The following ASIC2 variants were observed in gnomAD, a reference collection of about 807,000 sequenced individuals.
ASIC2 encodes the protein acid sensing ion channel subunit 2.
Under a neutral mutation model 57.3 loss-of-function variants are expected in ASIC2, and 25 were observed. The observed-to-expected ratio is 0.44, with a 90% CI of 0.32 to 0.61. ASIC2 has a LOEUF of 0.61. Ranked by LOEUF, ASIC2 falls within the 20% of genes least tolerant of loss-of-function variation. ASIC2 has a pLI of 0.06. For missense variants in ASIC2, 641 were observed against 738.1 expected, an observed-to-expected ratio of 0.87 and a Z score of 1.52; for synonymous variants, 319 against 307.5, an observed-to-expected ratio of 1.04 and a Z score of -0.39.
At chr17:34,048,958 G>T (rs1433775288) in intron 1 of ASIC2, among the ~76,000 whole-genome samples, 1 of 152,134 alleles carries the variant, frequency 6.6e-6, no homozygotes, top group East Asian at 1.9e-4. Flanking sequence ...CTCCTGATGG[G>T]TATATCATGT....
chr17:34,077,977 G>A (rs1909734514), intron 1 of ASIC2, among the ~76,000 whole-genome samples: 1 of 152,062 alleles, frequency 6.6e-6, no homozygotes, highest in South Asian at 2.1e-4. Context: ...GTTATAGAGG[G>A]CCAGCTCTAC....
Position 34,099,209 on chromosome 17 carries a change from A to AAAG in ASIC2, c.555+56766_555+56768dup, listed in dbSNP as rs1263986039. Among the ~76,000 whole-genome samples the AAAG allele has an allele frequency of 1.2e-3, 148 of 126,720 alleles. 2 individuals are homozygous for AAAG. Among genetic ancestry groups the AAAG allele is most frequent in the African/African-American group, 1.5e-3 (39 of 26,196 alleles). 83.1% of individuals were successfully genotyped at this position (126,720 alleles called of 152,430 possible). On this transcript the variant is annotated intron_variant, in intron 1 of 9. Coordinates refer to the ASIC2 transcript ENST00000359872. ...GAAAGAAAGAAAGAAAGAAAGAAAGAAAGGAAAGAAAAGAAAGAAAAAAGA... is the reference window on the plus strand; with the variant it reads ...GAAAGAAAGAAAGAAAGAAAGAAAGAAAGAAGGAAAGAAAAGAAAGAAAAAAGA...
intron 1 of ASIC2, among the ~76,000 whole-genome samples, chr17:33,636,152 T>G (rs1906356354): frequency 1.3e-5 from 2 of 152,216 alleles, no homozygotes; most frequent in African/African-American, 4.8e-5. Context: ...TATGTGCATA[T>G]ATACATATTA....
chr17:33,638,753 T>C lies in ASIC2; in HGVS notation c.555+517225A>G, dbSNP rs1490833821. Among the ~76,000 whole-genome samples, 4 of 151,742 alleles carry C rather than the reference T, an allele frequency of 2.6e-5. No individual in the cohort carries two copies. The East Asian group carries it at 5.8e-4, about 22-fold the overall frequency. ...GAGCTGCTGTGACTCTGCCTGAGAA[T>C]TTTTTTTTCCTGGCAGCCCAAGCAC... On this transcript the variant is annotated intron_variant, in intron 1 of 9. Coordinates refer to the ASIC2 transcript ENST00000359872.
chr17:33,586,268 A>G (rs1303230530), intron 1 of ASIC2, among the ~76,000 whole-genome samples: 1 of 152,050 alleles, frequency 6.6e-6, no homozygotes, highest in Non-Finnish European at 1.5e-5. Context: ...GGGTTCTCAT[A>G]TTTTATATTC....
chr17:33,110,035 G>A (rs1405890098), intron 2 of ASIC2, among the ~76,000 whole-genome samples: 1 of 146,148 alleles, frequency 6.8e-6, no homozygotes, highest in East Asian at 1.9e-4. Flanking sequence ...GGTACTGAGA[G>A]TGCATGTGTG....
intron 1 of ASIC2, among the ~76,000 whole-genome samples, chr17:33,211,725 G>A (rs1390006478): frequency 6.6e-6 from 1 of 152,148 alleles, no homozygotes; most frequent in Non-Finnish European, 1.5e-5. Flanking sequence ...GATGGACCTG[G>A]TGCTAACTTA....
intron 1 of ASIC2, among the ~76,000 whole-genome samples, chr17:33,520,234 T>C (rs1403234620): frequency 2.6e-5 from 4 of 152,144 alleles, no homozygotes; most frequent in Admixed American, 1.3e-4. Flanking sequence ...GCTGTTCTAC[T>C]TGAAGAAACA....
At chr17:33,965,958 C>A (rs1905061114) in intron 1 of ASIC2, among the ~76,000 whole-genome samples, 1 of 152,216 alleles carries the variant, frequency 6.6e-6, no homozygotes, top group Non-Finnish European at 1.5e-5. Context: ...GACCACTTGC[C>A]TATGCTCTCC....
intron 1 of ASIC2, among the ~76,000 whole-genome samples, chr17:33,996,388 C>A (rs558219659): frequency 6.6e-6 from 1 of 152,036 alleles, no homozygotes; most frequent in African/African-American, 2.4e-5. Flanking sequence ...GCTTTTGTTA[C>A]CTTTGCTTTT....
At chr17:33,560,524 T>C (rs536751300) in intron 1 of ASIC2, among the ~76,000 whole-genome samples, 10 of 152,328 alleles carry the variant, frequency 6.6e-5, no homozygotes, top group African/African-American at 2.2e-4. Context: ...TAGGACCTTT[T>C]CGAAGGAAGA....
intron 1 of ASIC2, among the ~76,000 whole-genome samples, chr17:33,134,028 C>A (rs1407166515): frequency 6.6e-6 from 1 of 152,210 alleles, no homozygotes; most frequent in Non-Finnish European, 1.5e-5. Context: ...GGGACTCCTT[C>A]ACTCATGCAC....
At chr17:33,224,375 G>T (rs1008024935) in intron 1 of ASIC2, among the ~76,000 whole-genome samples, 5 of 152,340 alleles carry the variant, frequency 3.3e-5, no homozygotes, top group African/African-American at 1.2e-4. Context: ...GGAACTTAGT[G>T]TGCTTTGGAG....
At chr17:33,377,533 T>C (rs1251401582) in intron 1 of ASIC2, among the ~76,000 whole-genome samples, 1 of 152,246 alleles carries the variant, frequency 6.6e-6, no homozygotes, top group East Asian at 1.9e-4. Flanking sequence ...ATTCATCTTA[T>C]ACTGTCCCTT....
At chr17:33,721,055 C>G (rs1909373787) in intron 1 of ASIC2, among the ~76,000 whole-genome samples, 1 of 152,160 alleles carries the variant, frequency 6.6e-6, no homozygotes, top group African/African-American at 2.4e-5. Context: ...TGAAAACATT[C>G]ATTGCTATTC....
At chr17:33,975,891 G>T (rs927343507) in intron 1 of ASIC2, among the ~76,000 whole-genome samples, 1 of 152,086 alleles carries the variant, frequency 6.6e-6, no homozygotes, top group African/African-American at 2.4e-5. Flanking sequence ...CCTCAGGAAT[G>T]TAAGTCTCTC....
At chr17:33,114,436 A>G (rs894423007) in intron 1 of ASIC2, among the ~76,000 whole-genome samples, 3 of 152,258 alleles carry the variant, frequency 2.0e-5, no homozygotes, top group Non-Finnish European at 2.9e-5. Flanking sequence ...TAGACACTCT[A>G]AATATCCTCT....
intron 1 of ASIC2, among the ~76,000 whole-genome samples, chr17:33,273,294 A>T (rs1442429337): frequency 6.6e-6 from 1 of 152,246 alleles, no homozygotes; most frequent in East Asian, 1.9e-4. Flanking sequence ...AAAAAGTTAT[A>T]TAGCTGGGGT....
At chr17:33,191,874 A>T (rs1284659038) in intron 1 of ASIC2, among the ~76,000 whole-genome samples, 1 of 152,160 alleles carries the variant, frequency 6.6e-6, no homozygotes, top group Non-Finnish European at 1.5e-5. Flanking sequence ...ATCGGCCAGA[A>T]TTGTGCTACA....
Sources: allele counts gnomAD v4.1 joint callset (sites outside exome capture counted in the v4.1 genomes callset), GRCh38; gene constraint gnomAD v4.1.1; transcripts MANE v1.5; gene names NCBI Gene and HGNC (gene_info 2026-07-23, HGNC 2026-07-21).